NLGN1: variants seen among roughly 807,000 people sequenced by gnomAD.
The protein encoded by NLGN1 is neuroligin-1.
In NLGN1, 12 loss-of-function variants were observed where a neutral mutation model predicts 65.5. That is an observed-to-expected ratio of 0.18 (90% confidence interval 0.12 to 0.30). NLGN1 has a LOEUF of 0.30. Ranked by LOEUF, NLGN1 falls within the 10% of genes least tolerant of loss-of-function variation. The pLI is 1.00. For missense variants in NLGN1, 750 were observed against 1,007.1 expected (o/e 0.74, Z 3.46); for synonymous variants, 350 against 359.5 (o/e 0.97, Z 0.30).
At chr3:173,409,784 GC>G (rs1249307656) in intron 1 of NLGN1, among the ~76,000 whole-genome samples, 1 of 152,108 alleles carries the variant, frequency 6.6e-6, no homozygotes. Context: ...GTGATACTTG[GC>G]TAAAAAGAAT....
chr3:173,967,484 A>G (rs957443024), intron 4 of NLGN1, among the ~76,000 whole-genome samples: 7 of 152,208 alleles, frequency 4.6e-5, no homozygotes, highest in Admixed American at 1.3e-4. Context: ...AATTCTTGTC[A>G]AAATCTATCC....
intron 4 of NLGN1, among the ~76,000 whole-genome samples, chr3:174,098,777 G>A (rs1344489638): frequency 1.3e-5 from 2 of 152,052 alleles, no homozygotes; most frequent in Admixed American, 6.6e-5. Flanking sequence ...GAGTATAATC[G>A]ATTAAACTAC....
chr3:173,890,850 C>T, intron 4 of NLGN1, among the ~76,000 whole-genome samples: 1 of 152,168 alleles, frequency 6.6e-6, no homozygotes, highest in African/African-American at 2.4e-5. Flanking sequence ...TGTGGCATGG[C>T]AATTCTCAGC....
rs185631557 is a variant in NLGN1 at position 174,204,013 on chromosome 3, A to T, written c.647-71302A>T. On this transcript the variant is annotated intron_variant, in intron 4 of 6. Transcript: ENST00000457714. ...CATTAATATTAACAGTTTTAAAATG[A>T]ATTCATGCCAAAAATACAATTTTAT... 2.6e-5 allele frequency among the ~76,000 whole-genome samples: 4 copies of T among 152,316 alleles called. No homozygotes were observed. The East Asian group carries it at 7.7e-4, about 29-fold the overall frequency.
At chr3:174,226,201 A>G (rs867952282) in intron 4 of NLGN1, among the ~76,000 whole-genome samples, 1 of 152,162 alleles carries the variant, frequency 6.6e-6, no homozygotes, top group African/African-American at 2.4e-5. Flanking sequence ...CAGCTATGAA[A>G]TAATTATGAG....
chr3:174,021,314 G>T (rs1391977139), intron 4 of NLGN1, among the ~76,000 whole-genome samples: 2 of 151,922 alleles, frequency 1.3e-5, no homozygotes, highest in African/African-American at 2.4e-5. Flanking sequence ...AAAAGTAAGG[G>T]CAATGTAATA....
intron 4 of NLGN1, among the ~76,000 whole-genome samples, chr3:173,999,240 A>G (rs537014659): frequency 1.1e-4 from 16 of 152,312 alleles, no homozygotes; most frequent in Middle Eastern, 3.4e-3. Context: ...TATTCTCATA[A>G]TAGAAGGTCT....
rs780754688 is a variant in NLGN1, at chr3:174,280,510, C to T, written c.1679C>T (p.Thr560Met). 15 of 1,610,828 alleles carry T rather than the reference C, an allele frequency of 9.3e-6. No individual in the cohort carries two copies. Among genetic ancestry groups the T allele is most frequent in the Admixed American group, 1.7e-5 (1 of 59,612 alleles). The change falls in exon 7 of 7, where the codon ACG (threonine) becomes ATG (methionine). Residue 560 changes from threonine (T) to methionine (M), a missense_variant. Physicochemically the swap from Thr to Met is moderately conservative, Grantham distance 81 (BLOSUM62 -1). Transcript: ENST00000457714. The surrounding 1 kb of genome is among the most constrained non-coding windows in gnomAD (Gnocchi z 4.9). ...CCAAATCAACCAGTCCCTCAAGACA[C>T]GAAATTCATTCATACCAAACCCAAC... is the stretch of plus-strand genomic sequence containing the variant.
intron 2 of NLGN1, among the ~76,000 whole-genome samples, chr3:173,565,508 T>A (rs1743493123): frequency 6.6e-6 from 1 of 152,184 alleles, no homozygotes; most frequent in Non-Finnish European, 1.5e-5. Flanking sequence ...CAGAAAGCTA[T>A]ATATCTACTT....
At position 173,409,202 on chromosome 3, in the gene NLGN1, A is replaced by G. The variant is rs76647826; in HGVS notation, c.-390+10715A>G. 4.5e-4 allele frequency among the ~76,000 whole-genome samples: 69 copies of G among 152,302 alleles called. 2 individuals carry two copies. In the East Asian group the frequency reaches 0.013, roughly 28 times the overall value. ...GAAAGAGTATAAAGAGCCATCTTTAACATTGCAATATCTTTTATTTATCCT... is the reference window on the plus strand; with the variant it reads ...GAAAGAGTATAAAGAGCCATCTTTAGCATTGCAATATCTTTTATTTATCCT... On this transcript the variant is annotated intron_variant, in intron 1 of 6. Coordinates refer to ENST00000457714, the Ensembl canonical transcript of NLGN1.
At chr3:173,514,101 A>G (rs1268446845) in intron 2 of NLGN1, among the ~76,000 whole-genome samples, 1 of 152,196 alleles carries the variant, frequency 6.6e-6, no homozygotes, top group Admixed American at 6.5e-5. Flanking sequence ...TGCACACATA[A>G]ACAATGCTCA....
chr3:173,551,727 G>A (rs763383230), intron 2 of NLGN1, among the ~76,000 whole-genome samples: 6 of 152,068 alleles, frequency 3.9e-5, no homozygotes, highest in Non-Finnish European at 5.9e-5. Context: ...GAAATCATCC[G>A]GCTCCATATT....
chr3:174,058,536 TA>T (rs1736669388), intron 4 of NLGN1, among the ~76,000 whole-genome samples: 1 of 152,056 alleles, frequency 6.6e-6, no homozygotes, highest in Non-Finnish European at 1.5e-5. Context: ...TGAAACACAG[TA>T]GGTAGATACT....
At chr3:174,145,382 G>A (rs537549254) in intron 4 of NLGN1, among the ~76,000 whole-genome samples, 7 of 151,990 alleles carry the variant, frequency 4.6e-5, no homozygotes, top group East Asian at 1.9e-4. Context: ...GCTTGGTGGC[G>A]CGCACCTGTA....
intron 4 of NLGN1, among the ~76,000 whole-genome samples, chr3:174,010,979 T>C (rs994759942): frequency 2.0e-5 from 3 of 152,164 alleles, no homozygotes; most frequent in African/African-American, 2.4e-5. Flanking sequence ...GCATCTCTCC[T>C]ATAATTTGGC....
chr3:173,717,894 A>G (rs922868625), intron 3 of NLGN1, among the ~76,000 whole-genome samples: 4 of 152,182 alleles, frequency 2.6e-5, no homozygotes, highest in African/African-American at 9.6e-5. Context: ...TGCATGATGT[A>G]GGTACAAGGG....
At chr3:174,165,893 G>C (rs1327171648) in intron 4 of NLGN1, among the ~76,000 whole-genome samples, 1 of 152,002 alleles carries the variant, frequency 6.6e-6, no homozygotes, top group East Asian at 1.9e-4. Flanking sequence ...ATATTGGTCT[G>C]TTCAGTGTTT....
chr3:173,712,815 TAA>T (rs35470843), intron 3 of NLGN1, among the ~76,000 whole-genome samples: 1 of 151,744 alleles, frequency 6.6e-6, no homozygotes, highest in Non-Finnish European at 1.5e-5. Flanking sequence ...TTTTTAAAGA[TAA>T]AAAAATATAC....
At chr3:173,454,273 A>G (rs566561408) in intron 2 of NLGN1, among the ~76,000 whole-genome samples, 1 of 152,334 alleles carries the variant, frequency 6.6e-6, no homozygotes, top group East Asian at 1.9e-4. Flanking sequence ...ATAATTCTCA[A>G]GGGTCCTAGG....
Sources: allele counts gnomAD v4.1 joint callset (sites outside exome capture counted in the v4.1 genomes callset), GRCh38; gene constraint gnomAD v4.1.1; non-coding constraint Gnocchi (gnomAD v3.1); transcripts MANE v1.5; gene names NCBI Gene and HGNC (gene_info 2026-07-23, HGNC 2026-07-21).